ZNF611: variants seen among roughly 807,000 people sequenced by gnomAD.
The protein encoded by ZNF611 is zinc finger protein 611.
In ZNF611, 6 loss-of-function variants were observed where a neutral mutation model predicts 8.9. The observed-to-expected ratio is 0.68, with a 90% CI of 0.37 to 1.34. The LOEUF is 1.34. Among genes scored for constraint, ZNF611 ranks in the 40% most tolerant of loss-of-function variants. ZNF611 has a pLI of 0.02. For synonymous variants in ZNF611, 262 were observed against 279.7 expected, an observed-to-expected ratio of 0.94 and a Z score of 0.63; for missense variants, 874 against 841.3, an observed-to-expected ratio of 1.04 and a Z score of -0.48.
Position 52,706,917 on chromosome 19 carries a change from C to T in ZNF611, c.191-53G>A, listed in dbSNP as rs180879993. 3.7e-3 allele frequency: 5,779 copies of T among 1,553,498 alleles called. 43 individuals carry two copies. Among genetic ancestry groups the T allele is most frequent in the South Asian group, 0.019 (1,495 of 80,116 alleles). ...CCAATTAAGTACAGATGGTAAATCA[C>T]ACTGAAGTGCATAAATATGACACAA... On this transcript the variant is annotated intron_variant, in intron 5 of 5. Transcript: ENST00000652185.
At chr19:52,717,816 T>A (rs1453935274) in intron 3 of ZNF611, 1 of 423,216 alleles carries the variant, frequency 2.4e-6, no homozygotes, top group African/African-American at 2.2e-5. Flanking sequence ...TAAATTTTCA[T>A]GTTAGGGTAA....
intron 5 of ZNF611, among the ~76,000 whole-genome samples, chr19:52,709,171 T>G (rs1044499391): frequency 1.3e-5 from 2 of 152,226 alleles, no homozygotes; most frequent in African/African-American, 4.8e-5. Context: ...AGTTGGGGTC[T>G]TTTAGAGAGT....
At position 52,703,587 on chromosome 19, in the gene ZNF611, T is replaced by TA. The variant is rs2062218947; in HGVS notation, c.*1349_*1350insT. On this transcript the variant is annotated 3_prime_UTR_variant, in exon 6 of 6. Transcript: ENST00000652185. ...GCCACCACGTACCGAGGCTTTGATA[T>TA]CCTTTTTTTTTTTTTTTTTTTTGAG... The TA allele has an allele frequency of 8.1e-6, 1 of 123,452 alleles. No individual in the cohort carries two copies. The highest frequency in any genetic ancestry group is 1.7e-5 in the Non-Finnish European group (1 of 59,438). 7.6% of individuals were successfully genotyped at this position (123,452 alleles called of 1,614,324 possible). A position where few individuals can be genotyped will look rare whatever the true frequency, so the allele number is the denominator to read the frequency against.
At position 52,705,940 on chromosome 19, in the gene ZNF611, C is replaced by G; in HGVS notation, c.1115G>C (p.Cys372Ser). The change falls in exon 6 of 6, where the codon TGT becomes TCT. Residue 372 changes from cysteine to serine, a missense_variant. Cys to Ser is a moderately radical substitution (Grantham distance 112). Coordinates refer to ENST00000652185, the MANE Select transcript of ZNF611 (RefSeq NM_001161499.2). ...ACTGAAAACTTTGTCACATTCTTCACATTTGTAAGGTTTCTCTCCAGTATG... is the reference window on the plus strand; with the variant it reads ...ACTGAAAACTTTGTCACATTCTTCAGATTTGTAAGGTTTCTCTCCAGTATG... ...RIHTGEKPYK[C>S]EECDKVFSRK... The G allele has an allele frequency of 6.2e-7, 1 of 1,614,170 alleles. No individual in the cohort carries two copies. Among genetic ancestry groups the G allele is most frequent in the Non-Finnish European group, 8.5e-7 (1 of 1,180,026 alleles).
Position 52,704,115 on chromosome 19 carries a change from G to C in ZNF611, c.*822C>G. On this transcript the variant is annotated 3_prime_UTR_variant, in exon 6 of 6. Coordinates refer to ENST00000652185, the MANE Select transcript of ZNF611 (RefSeq NM_001161499.2). Reference sequence around the variant, plus strand: ...TCCCGACGTGCTGGGATTACAGGTCGGAGCCACCACACCTGGCCCCATCCT... The same window carrying C: ...TCCCGACGTGCTGGGATTACAGGTCCGAGCCACCACACCTGGCCCCATCCT... 3.4e-6 allele frequency: 1 copy of C among 298,344 alleles called. No individual in the cohort carries two copies. 18.5% of individuals were successfully genotyped at this position (298,344 alleles called of 1,614,324 possible).
rs535244118 is a variant in ZNF611 at position 52,712,997 on chromosome 19, C to T, written c.190+1018G>A. On this transcript the variant is annotated intron_variant, in intron 5 of 5. Transcript: ENST00000652185. ...TCACGTCAGGCCAGGCTATCAAAAT[C>T]AGCCTGGCCAACATGGCAAAACTGC... Among the ~76,000 whole-genome samples the T allele has an allele frequency of 5.6e-4, 86 of 152,216 alleles. 1 individual carries two copies. The highest frequency in any genetic ancestry group is 2.0e-3 in the African/African-American group (85 of 41,538).
At chr19:52,728,660 A>G (rs1169036317) in intron 3 of ZNF611, 70 bp downstream of exon 3, 1 of 152,252 alleles carries the variant, frequency 6.6e-6, no homozygotes, top group Non-Finnish European at 1.5e-5. Context: ...CTCTTTCTTT[A>G]TTTTCAAAGG....
chr19:52,705,770 T>A lies in ZNF611; in HGVS notation c.1285A>T (p.Asn429Tyr), dbSNP rs147541550. The A allele has an allele frequency of 1.9e-6, 3 of 1,614,092 alleles. No individual in the cohort carries two copies. The Admixed American group carries it at 5.0e-5, about 27-fold the overall frequency. The change falls in exon 6 of 6, where the codon AAT becomes TAT. Residue 429 changes from asparagine to tyrosine, a missense_variant. Physicochemically the swap from Asn to Tyr is moderately radical, Grantham distance 143. Coordinates refer to ENST00000652185, the MANE Select transcript of ZNF611 (RefSeq NM_001161499.2). ...IHTAKKTYKC[N>Y]ECGKTFSHKS... is the part of the protein sequence containing the mutation. ...TGACTGAAGGTCTTGCCACACTCAT[T>A]ACATTTATAAGTTTTCTTTGCAGTA...
At chr19:52,724,826 C>T (rs1183382748) in intron 3 of ZNF611, among the ~76,000 whole-genome samples, 2 of 152,126 alleles carry the variant, frequency 1.3e-5, no homozygotes, top group African/African-American at 4.8e-5. Context: ...TGGTGAGCCT[C>T]CCTCTTTGCT....
chr19:52,724,839 C>G (rs1223775249), intron 3 of ZNF611, among the ~76,000 whole-genome samples: 1 of 152,088 alleles, frequency 6.6e-6, no homozygotes, highest in Non-Finnish European at 1.5e-5. Context: ...TCTTTGCTGC[C>G]CCTCTCCCTA....
chr19:52,710,531 A>T (rs1029184631), intron 5 of ZNF611, among the ~76,000 whole-genome samples: 10 of 152,062 alleles, frequency 6.6e-5, no homozygotes, highest in Non-Finnish European at 1.5e-5. Context: ...TGCCCGTCCA[A>T]TGTTTTTTAA....
chr19:52,706,058 C>G lies in ZNF611; in HGVS notation c.997G>C (p.Asp333His), dbSNP rs1207796107. 4 of 1,613,916 alleles carry G rather than the reference C, an allele frequency of 2.5e-6. No homozygotes were observed. The African/African-American group carries it at 4.0e-5, about 16-fold the overall frequency. Residue 333 changes from aspartate to histidine, a missense_variant, in exon 6 of 6, where the codon GAT becomes CAT. Coordinates refer to ENST00000652185, the MANE Select transcript of ZNF611 (RefSeq NM_001161499.2). ...TTTTCTCCAGTATCAATTGCCTTAT[C>G]AATTAGAAGGGCTGAATTTTGACCA... ...IFGQNSALLI[D>H]KAIDTGENPY...
intron 3 of ZNF611, among the ~76,000 whole-genome samples, chr19:52,721,495 A>G (rs186708057): frequency 1.8e-3 from 272 of 152,338 alleles, no homozygotes; most frequent in African/African-American, 6.3e-3. Context: ...CCCGGCCAAC[A>G]TGGCGAAACC....
At chr19:52,708,312 A>C (rs1317889448) in intron 5 of ZNF611, 1 of 152,182 alleles carries the variant, frequency 6.6e-6, no homozygotes, top group Non-Finnish European at 1.5e-5. Flanking sequence ...TGGCTAACAC[A>C]GTGAAACCCC....
rs2062235910 is a variant in ZNF611, at chr19:52,705,604, C to T, written c.1451G>A (p.Cys484Tyr). ...RIDCGEKPYK[C>Y]NECGKTFGQN... Reference sequence around the variant, plus strand: ...ACCAAAGGTCTTCCCACATTCATTACACTTGTAAGGTTTTTCTCCACAGTC... The same window carrying T: ...ACCAAAGGTCTTCCCACATTCATTATACTTGTAAGGTTTTTCTCCACAGTC... Residue 484 changes from cysteine to tyrosine, a missense_variant, in exon 6 of 6, where the codon TGT becomes TAT. Physicochemically the swap from Cys to Tyr is radical, Grantham distance 194 (BLOSUM62 -2). Transcript: ENST00000652185. The T allele has an allele frequency of 5.6e-6, 9 of 1,613,968 alleles. No individual in the cohort carries two copies. The highest frequency in any genetic ancestry group is 1.6e-4 in the Middle Eastern group (1 of 6,082).
At chr19:52,717,343 C>T (rs1600318988) in intron 3 of ZNF611, among the ~76,000 whole-genome samples, 2 of 152,206 alleles carry the variant, frequency 1.3e-5, no homozygotes, top group East Asian at 1.9e-4. Context: ...GAAGATGATA[C>T]CAGAACAAGG....
chr19:52,705,042 A>T lies in ZNF611; in HGVS notation c.2013T>A (p.Ile671=). 2 of 1,614,176 alleles carry T rather than the reference A, an allele frequency of 1.2e-6. No individual in the cohort carries two copies. Among genetic ancestry groups the T allele is most frequent in the South Asian group, 2.2e-5 (2 of 91,088 alleles). ...ACTTGTAAGGTTTCTCTGCAGTGTG[A>T]ATTCTGGTATGTCTTGACAGGAGTG... ...RNSLLSRHTR[I]HTAEKPYKCN... Residue 671 remains isoleucine (I), a synonymous_variant, in exon 6 of 6, where the codon ATT becomes ATA. Coordinates refer to ENST00000652185, the MANE Select transcript of ZNF611 (RefSeq NM_001161499.2).
Position 52,705,843 on chromosome 19 carries a change from G to A in ZNF611, c.1212C>T (p.Asp404=), listed in dbSNP as rs746774638. ...GEKPYRCKVC[D]TAFTWHSQLA... is the part of the protein sequence containing the mutation. ...GCTGTGAATGCCACGTGAAAGCTGT[G>A]TCACAAACCTTACATCTGTATGGTT... Residue 404 remains aspartate (D), a synonymous_variant, in exon 6 of 6, where the codon GAC becomes GAT. Coordinates refer to ENST00000652185, the MANE Select transcript of ZNF611 (RefSeq NM_001161499.2). The A allele has an allele frequency of 4.3e-6, 7 of 1,613,842 alleles. No homozygotes were observed. The highest frequency in any genetic ancestry group is 5.9e-6 in the Non-Finnish European group (7 of 1,180,002).
intron 4 of ZNF611, among the ~76,000 whole-genome samples, chr19:52,715,575 A>G (rs958718643): frequency 6.6e-6 from 1 of 152,206 alleles, no homozygotes; most frequent in Non-Finnish European, 1.5e-5. Context: ...CAACGGGCTC[A>G]CACCCCATGT....
Sources: allele counts gnomAD v4.1 joint callset (sites outside exome capture counted in the v4.1 genomes callset), GRCh38; gene constraint gnomAD v4.1.1; transcripts MANE v1.5; gene names NCBI Gene and HGNC (gene_info 2026-07-23, HGNC 2026-07-21).